The following CACNA2D1 variants were observed in gnomAD, a reference collection of about 807,000 sequenced individuals.
CACNA2D1 encodes the protein calcium voltage-gated channel auxiliary subunit alpha2delta 1, also known as voltage-dependent calcium channel subunit alpha-2/delta-1.
CACNA2D1 carries 53 observed loss-of-function variants against 171.5 expected under a neutral mutation model. That is an observed-to-expected ratio of 0.31 (90% CI 0.25 to 0.39). CACNA2D1 has a LOEUF of 0.39. Among genes scored for constraint, CACNA2D1 ranks in the 10% least tolerant of loss-of-function variants. CACNA2D1 has a pLI of 1.00. For missense variants in CACNA2D1, 903 were observed against 1,299.8 expected (o/e 0.69, Z 4.69); for synonymous variants, 442 against 443.1 (o/e 1.00, Z 0.03).
intron 1 of CACNA2D1, among the ~76,000 whole-genome samples, chr7:82,364,818 T>C (rs1301175296): frequency 1.3e-5 from 2 of 152,174 alleles, no homozygotes; most frequent in African/African-American, 4.8e-5. Context: ...AGTTTTCTGA[T>C]GGGACAGAAG....
chr7:81,990,187 AT>A (rs982528548), intron 21 of CACNA2D1, among the ~76,000 whole-genome samples: 2 of 152,158 alleles, frequency 1.3e-5, no homozygotes, highest in Non-Finnish European at 2.9e-5. Flanking sequence ...GACCTAGCCA[AT>A]TTGCAAACTG....
At chr7:82,254,332 A>G (rs1381723671) in intron 3 of CACNA2D1, among the ~76,000 whole-genome samples, 1 of 152,052 alleles carries the variant, frequency 6.6e-6, no homozygotes, top group Non-Finnish European at 1.5e-5. Flanking sequence ...GTTTTCATAT[A>G]CCTTTTATTG....
intron 4 of CACNA2D1, among the ~76,000 whole-genome samples, chr7:82,140,500 G>A (rs2129086309): frequency 6.6e-6 from 1 of 152,118 alleles, no homozygotes; most frequent in South Asian, 2.1e-4. Flanking sequence ...TTTATACAGG[G>A]CATCAGGAGT....
chr7:81,994,039 T>A (rs1797810005), intron 20 of CACNA2D1, among the ~76,000 whole-genome samples: 1 of 152,066 alleles, frequency 6.6e-6, no homozygotes, highest in Non-Finnish European at 1.5e-5. Flanking sequence ...CATAGTCAGA[T>A]CCTAGCTCAC....
intron 6 of CACNA2D1, among the ~76,000 whole-genome samples, chr7:82,115,375 C>T (rs1268101067): frequency 6.6e-6 from 1 of 151,850 alleles, no homozygotes; most frequent in Non-Finnish European, 1.5e-5. Flanking sequence ...AAAGTAACTA[C>T]AGAAAAATAA....
intron 7 of CACNA2D1, among the ~76,000 whole-genome samples, chr7:82,083,764 C>CCATT (rs1340878020): frequency 1.3e-5 from 2 of 152,118 alleles, no homozygotes; most frequent in African/African-American, 4.8e-5. Flanking sequence ...AATTTGAGTA[C>CCATT]CATTCAGTCC....
rs534717359 is a variant in CACNA2D1 at position 82,037,646 on chromosome 7, A to C, written c.1038+431T>G. Among the ~76,000 whole-genome samples, 3 of 152,256 alleles carry C rather than the reference A, an allele frequency of 2.0e-5. No individual in the cohort carries two copies. The South Asian group carries it at 6.2e-4, about 32-fold the overall frequency. ...GTCTACCATTTGGAACTTTCTGTAC[A>C]TTTTAGGAACAATTTAAAGACCCAA... On this transcript the variant is annotated intron_variant, in intron 11 of 38. Coordinates refer to ENST00000356860, the MANE Select transcript of CACNA2D1 (RefSeq NM_000722.4).
intron 3 of CACNA2D1, among the ~76,000 whole-genome samples, chr7:82,324,184 C>T (rs903715596): frequency 1.3e-5 from 2 of 151,810 alleles, no homozygotes; most frequent in East Asian, 3.9e-4. Context: ...TGGTGAAACC[C>T]GCATCTCTAC....
At chr7:82,424,457 C>T (rs1054777291) in intron 1 of CACNA2D1, among the ~76,000 whole-genome samples, 2 of 152,056 alleles carry the variant, frequency 1.3e-5, no homozygotes, top group African/African-American at 4.8e-5. Context: ...GAGGACATTA[C>T]CATTACATAC....
At chr7:82,435,113 G>C (rs1830013682) in intron 1 of CACNA2D1, among the ~76,000 whole-genome samples, 1 of 135,120 alleles carries the variant, frequency 7.4e-6, no homozygotes, top group Non-Finnish European at 1.5e-5. Context: ...TTGGCTCACT[G>C]CAACATCCGC....
intron 3 of CACNA2D1, among the ~76,000 whole-genome samples, chr7:82,180,030 T>G (rs1796954081): frequency 6.6e-6 from 1 of 152,290 alleles, no homozygotes; most frequent in East Asian, 1.9e-4. Flanking sequence ...ATTAGTCCTC[T>G]GAATTAGTCC....
At chr7:82,063,283 A>G (rs1807175505) in intron 9 of CACNA2D1, among the ~76,000 whole-genome samples, 1 of 152,178 alleles carries the variant, frequency 6.6e-6, no homozygotes, top group African/African-American at 2.4e-5. Context: ...ATACTTAAGA[A>G]GAATATCAAG....
At chr7:82,213,631 G>A (rs1800792029) in intron 3 of CACNA2D1, among the ~76,000 whole-genome samples, 1 of 152,152 alleles carries the variant, frequency 6.6e-6, no homozygotes, top group Non-Finnish European at 1.5e-5. Flanking sequence ...CCTGCTTACA[G>A]GCAAAGTACA....
At chr7:82,316,080 A>G (rs1199369547) in intron 3 of CACNA2D1, among the ~76,000 whole-genome samples, 1 of 152,130 alleles carries the variant, frequency 6.6e-6, no homozygotes, top group African/African-American at 2.4e-5. Flanking sequence ...GACAAATGAT[A>G]AGTTTGCTTA....
intron 3 of CACNA2D1, among the ~76,000 whole-genome samples, chr7:82,180,643 GGC>G (rs1797025503): frequency 2.6e-5 from 4 of 152,174 alleles, no homozygotes. Flanking sequence ...GCCCTGATGA[GGC>G]GCTGGGTTGT....
chr7:82,319,616 C>T (rs1270373643), intron 3 of CACNA2D1, among the ~76,000 whole-genome samples: 2 of 152,112 alleles, frequency 1.3e-5, no homozygotes, highest in African/African-American at 4.8e-5. Context: ...AAAAGTGGCA[C>T]AGGCAGTAAG....
At chr7:82,177,198 G>C (rs1796635102) in intron 3 of CACNA2D1, among the ~76,000 whole-genome samples, 2 of 147,624 alleles carry the variant, frequency 1.4e-5, no homozygotes, top group African/African-American at 5.0e-5. Flanking sequence ...CTTTATATTT[G>C]CTTTATAACT....
intron 1 of CACNA2D1, among the ~76,000 whole-genome samples, chr7:82,414,155 A>G (rs543023659): frequency 6.6e-6 from 1 of 152,300 alleles, no homozygotes; most frequent in African/African-American, 2.4e-5. Flanking sequence ...TCACCAACCT[A>G]AAGGCAAGAT....
rs1806754440 is a variant in CACNA2D1 at position 82,060,597 on chromosome 7, A to C, written c.780-70T>G. 35 of 905,466 alleles carry C rather than the reference A, an allele frequency of 3.9e-5. 1 individual carries two copies. In the South Asian group the frequency reaches 4.6e-4, roughly 12 times the overall value. The allele number at this position is 905,466 out of a possible 1,614,324, so 56.1% of individuals were successfully genotyped here. Reference sequence around the variant, plus strand: ...TTAATCAAGAACATCATAAGGAAAGATAATGTATGCACTGACCCTAGATCT... The same window carrying C: ...TTAATCAAGAACATCATAAGGAAAGCTAATGTATGCACTGACCCTAGATCT... On this transcript the variant is annotated intron_variant, in intron 9 of 38. Coordinates refer to ENST00000356860, the MANE Select transcript of CACNA2D1 (RefSeq NM_000722.4).
Sources: allele counts gnomAD v4.1 joint callset (sites outside exome capture counted in the v4.1 genomes callset), GRCh38; gene constraint gnomAD v4.1.1; transcripts MANE v1.5; gene names NCBI Gene and HGNC (gene_info 2026-07-23, HGNC 2026-07-21).